The following PRKAA2 variants were observed in gnomAD, a reference collection of about 807,000 sequenced individuals.
PRKAA2 encodes the protein 5'-AMP-activated protein kinase catalytic subunit alpha-2.
A neutral mutation model predicts 56.3 loss-of-function variants in PRKAA2; 40 were observed. The observed-to-expected ratio is 0.71, with a 90% CI of 0.55 to 0.92. The LOEUF is 0.92. Ranked by LOEUF, PRKAA2 falls within the 40% of genes least tolerant of loss-of-function variation. The pLI, the probability that PRKAA2 is intolerant of heterozygous loss-of-function variation, is 0.00. For missense variants in PRKAA2, 542 were observed against 686.9 expected, an observed-to-expected ratio of 0.79 and a Z score of 2.36; for synonymous variants, 214 against 234.2, an observed-to-expected ratio of 0.91 and a Z score of 0.79.
At chr1:56,688,238 A>C (rs1644205375) in intron 2 of PRKAA2, among the ~76,000 whole-genome samples, 1 of 152,028 alleles carries the variant, frequency 6.6e-6, no homozygotes. Context: ...GTGGGGGACA[A>C]AGGGAAATTT....
chr1:56,653,712 C>A (rs939826299), intron 1 of PRKAA2, among the ~76,000 whole-genome samples: 1 of 152,044 alleles, frequency 6.6e-6, no homozygotes, highest in Non-Finnish European at 1.5e-5. Context: ...GGTTCTGAGA[C>A]CAGAAATTTA....
At chr1:56,671,903 C>T (rs1216212682) in intron 1 of PRKAA2, among the ~76,000 whole-genome samples, 1 of 152,106 alleles carries the variant, frequency 6.6e-6, no homozygotes, top group Non-Finnish European at 1.5e-5. Flanking sequence ...AAGCTTAGTA[C>T]ATAATAAACA....
At chr1:56,657,972 C>A (rs569976635) in intron 1 of PRKAA2, among the ~76,000 whole-genome samples, 1 of 151,822 alleles carries the variant, frequency 6.6e-6, no homozygotes, top group Non-Finnish European at 1.5e-5. Flanking sequence ...TAATATCTTG[C>A]GAGACTGAGA....
chr1:56,711,448 C>T lies in PRKAA2; in HGVS notation c.*3735C>T, dbSNP rs892901780. The T allele has an allele frequency of 1.3e-5, 2 of 152,150 alleles. No homozygotes were observed. The highest frequency in any genetic ancestry group is 2.9e-5 in the Non-Finnish European group (2 of 68,016). The allele number at this position is 152,150 out of a possible 1,614,324, so 9.4% of individuals were successfully genotyped here. A position where few individuals can be genotyped will look rare whatever the true frequency, so the allele number is the denominator to read the frequency against. On this transcript the variant is annotated 3_prime_UTR_variant, in exon 9 of 9. Coordinates refer to ENST00000371244, the MANE Select transcript of PRKAA2 (RefSeq NM_006252.4). ...ACCTGGAACATGCCTGCCACAGACA[C>T]CACTTTGTCTATTCACCGGGTACTA...
intron 1 of PRKAA2, among the ~76,000 whole-genome samples, chr1:56,662,217 A>G (rs1486801954): frequency 6.6e-6 from 1 of 152,102 alleles, no homozygotes; most frequent in Non-Finnish European, 1.5e-5. Flanking sequence ...TCTTCTTAAG[A>G]TGAAAGATTT....
Position 56,661,389 on chromosome 1 carries a change from C to G in PRKAA2, c.95-12992C>G, listed in dbSNP as rs138227619. 5.9e-5 allele frequency among the ~76,000 whole-genome samples: 9 copies of G among 152,286 alleles called. No individual in the cohort carries two copies. In the East Asian group the frequency reaches 1.7e-3, roughly 29 times the overall value. ...CCAACCTCCACCCCACCAATGGGAA[C>G]CACTATCCATGGATAGTTTCACCTG... On this transcript the variant is annotated intron_variant, in intron 1 of 8. Coordinates refer to ENST00000371244, the MANE Select transcript of PRKAA2 (RefSeq NM_006252.4).
At chr1:56,705,786 G>A (rs1381470636) in intron 7 of PRKAA2, among the ~76,000 whole-genome samples, 4 of 152,290 alleles carry the variant, frequency 2.6e-5, no homozygotes, top group Non-Finnish European at 4.4e-5. Flanking sequence ...TTTTAGAGTT[G>A]ATGCTTATCT....
At chr1:56,683,888 G>T (rs1459637383) in intron 2 of PRKAA2, among the ~76,000 whole-genome samples, 3 of 152,140 alleles carry the variant, frequency 2.0e-5, no homozygotes, top group African/African-American at 7.2e-5. Flanking sequence ...TCTTGTCTAA[G>T]ATGGGAAGCC....
intron 1 of PRKAA2, among the ~76,000 whole-genome samples, chr1:56,674,129 CA>C (rs1442448270): frequency 6.6e-6 from 1 of 152,122 alleles, no homozygotes; most frequent in African/African-American, 2.4e-5. Flanking sequence ...ATCATTTTCA[CA>C]AATATTCCAC....
rs191725856 is a variant in PRKAA2, at chr1:56,705,467, C to T, written c.1294-625C>T. 8.1e-3 allele frequency among the ~76,000 whole-genome samples: 1,226 copies of T among 152,026 alleles called. 9 individuals are homozygous for T. The highest frequency in any genetic ancestry group is 0.012 in the Non-Finnish European group (835 of 67,944). ...TTGCCCAGGCTGGAGTGCAGTGGCG[C>T]GATCTTGGCTCACTGCAACCCAGGG... On this transcript the variant is annotated intron_variant, in intron 7 of 8. Transcript: ENST00000371244.
chr1:56,705,812 C>T (rs994883511), intron 7 of PRKAA2, among the ~76,000 whole-genome samples: 2 of 152,150 alleles, frequency 1.3e-5, no homozygotes, highest in Non-Finnish European at 2.9e-5. Context: ...GAAAGCTGGA[C>T]CCTATGTAAT....
At chr1:56,676,547 T>G (rs1314984151) in intron 2 of PRKAA2, among the ~76,000 whole-genome samples, 1 of 152,180 alleles carries the variant, frequency 6.6e-6, no homozygotes, top group Non-Finnish European at 1.5e-5. Flanking sequence ...GAGACATATG[T>G]CAAGCTTTTA....
chr1:56,693,621 A>C (rs1644241903), intron 4 of PRKAA2, 144 bp from the exon 5 acceptor site: 1 of 511,562 alleles, frequency 2.0e-6, no homozygotes, highest in Non-Finnish European at 3.4e-6. Flanking sequence ...CTTTCCAGTT[A>C]AATGCTTTCC....
chr1:56,704,046 T>C lies in PRKAA2; in HGVS notation c.864T>C (p.Ile288=). 6.2e-7 allele frequency: 1 copy of C among 1,614,034 alleles called. No individual in the cohort carries two copies. Among genetic ancestry groups the C allele is most frequent in the African/African-American group, 1.3e-5 (1 of 75,034 alleles). ...ACCCTTCCTATGATGCTAACGTCAT[T>C]GATGATGAGGCTGTGAAAGAAGTGT... ...PEDPSYDANV[I]DDEAVKEVCE... Residue 288 remains isoleucine (I), a synonymous_variant, in exon 7 of 9, where the codon ATT becomes ATC. Transcript: ENST00000371244.
At position 56,706,222 on chromosome 1, in the gene PRKAA2, A is replaced by T. The variant is rs1355138981; in HGVS notation, c.1420+4A>T. ...TTGGACTTTAAAAGCATTGATGGTA[A>T]GGAAGCTATGCATGCATGAGCTCTG... is the stretch of plus-strand genomic sequence containing the variant. On this transcript the variant is annotated splice_donor_region_variant and intron_variant, in intron 8 of 8. Coordinates refer to ENST00000371244, the MANE Select transcript of PRKAA2 (RefSeq NM_006252.4). 1.2e-6 allele frequency: 2 copies of T among 1,612,704 alleles called. No homozygotes were observed. Among genetic ancestry groups the T allele is most frequent in the Non-Finnish European group, 8.5e-7 (1 of 1,179,708 alleles).
At position 56,711,961 on chromosome 1, in the gene PRKAA2, G is replaced by T. The variant is rs189655338; in HGVS notation, c.*4248G>T. 8.7e-4 allele frequency: 133 copies of T among 152,162 alleles called. No homozygotes were observed. Among genetic ancestry groups the T allele is most frequent in the African/African-American group, 2.8e-3 (117 of 41,540 alleles). 9.4% of individuals were successfully genotyped at this position (152,162 alleles called of 1,614,324 possible). A position where few individuals can be genotyped will look rare whatever the true frequency, so the allele number is the denominator to read the frequency against. ...ATACAGCTGCTGGAGGAATGCAAAT[G>T]GCAAAAATCATCCAGAAAACCAAAC... On this transcript the variant is annotated 3_prime_UTR_variant, in exon 9 of 9. Coordinates refer to ENST00000371244, the MANE Select transcript of PRKAA2 (RefSeq NM_006252.4).
chr1:56,705,312 A>G (rs1401075936), intron 7 of PRKAA2, among the ~76,000 whole-genome samples: 1 of 152,196 alleles, frequency 6.6e-6, no homozygotes, highest in Non-Finnish European at 1.5e-5. Context: ...AGACGTTAAC[A>G]TTTTTAAAAT....
At chr1:56,704,567 A>T (rs1569797226) in intron 7 of PRKAA2, 92 bp downstream of exon 7, 1 of 1,404,164 alleles carries the variant, frequency 7.1e-7, no homozygotes, top group East Asian at 2.3e-5. Context: ...ATTAAGCCCA[A>T]CTTTTTCTAG....
chr1:56,653,703 G>T (rs947143507), intron 1 of PRKAA2, among the ~76,000 whole-genome samples: 2 of 152,040 alleles, frequency 1.3e-5, no homozygotes, highest in African/African-American at 4.8e-5. Flanking sequence ...CTGTGATCTG[G>T]TTCTGAGACC....
Sources: allele counts gnomAD v4.1 joint callset (sites outside exome capture counted in the v4.1 genomes callset), GRCh38; gene constraint gnomAD v4.1.1; transcripts MANE v1.5; gene names NCBI Gene and HGNC (gene_info 2026-07-23, HGNC 2026-07-21).